The following DYNC1I1 variants were observed in gnomAD, a reference collection of about 807,000 sequenced individuals.
The protein encoded by DYNC1I1 is cytoplasmic dynein 1 intermediate chain 1.
In DYNC1I1, 43 loss-of-function variants were observed where a neutral mutation model predicts 86.6. That is an observed-to-expected ratio of 0.50 (90% CI 0.39 to 0.64). DYNC1I1 has a LOEUF of 0.64. Among genes scored for constraint, DYNC1I1 ranks in the 30% least tolerant of loss-of-function variants. DYNC1I1 has a pLI of 0.00. For missense variants in DYNC1I1, 604 were observed against 788.8 expected (o/e 0.77, Z 2.81); for synonymous variants, 262 against 283.7 (o/e 0.92, Z 0.77).
intron 7 of DYNC1I1, among the ~76,000 whole-genome samples, chr7:95,978,564 A>G (rs1164272785): frequency 6.6e-6 from 1 of 152,214 alleles, no homozygotes; most frequent in Non-Finnish European, 1.5e-5. Flanking sequence ...TTTCCTAATG[A>G]GTGTCCCAAG....
intron 6 of DYNC1I1, among the ~76,000 whole-genome samples, chr7:95,936,468 T>A (rs1430353461): frequency 6.6e-6 from 1 of 151,928 alleles, no homozygotes; most frequent in Non-Finnish European, 1.5e-5. Context: ...CACCACAGAA[T>A]GGCTTTTCAT....
chr7:96,044,990 G>C (rs532888910), intron 14 of DYNC1I1, among the ~76,000 whole-genome samples: 4 of 152,272 alleles, frequency 2.6e-5, no homozygotes, highest in African/African-American at 9.6e-5. Flanking sequence ...AAGTTAGATG[G>C]ATGTGGGCAG....
chr7:96,011,064 TTTTTTGCC>T (rs907419061), intron 10 of DYNC1I1, among the ~76,000 whole-genome samples: 3 of 152,194 alleles, frequency 2.0e-5, no homozygotes, highest in Non-Finnish European at 4.4e-5. Context: ...TTTTATTTTA[TTTTTTGCC>T]TTTCTACCAA....
chr7:95,882,005 A>G (rs1025846680), intron 6 of DYNC1I1, among the ~76,000 whole-genome samples: 1 of 152,208 alleles, frequency 6.6e-6, no homozygotes, highest in Non-Finnish European at 1.5e-5. Flanking sequence ...GGCTGAGGAC[A>G]CCATATTCAT....
intron 1 of DYNC1I1, among the ~76,000 whole-genome samples, chr7:95,780,147 C>T (rs2115642514): frequency 6.6e-6 from 1 of 152,078 alleles, no homozygotes. Flanking sequence ...ATTCTAATGT[C>T]CAAAGTGAAG....
intron 10 of DYNC1I1, among the ~76,000 whole-genome samples, chr7:96,000,697 C>A (rs1793988539): frequency 6.6e-6 from 1 of 152,170 alleles, no homozygotes. Context: ...AGCAGAAAAC[C>A]TGCCCCTCCA....
At chr7:95,917,382 T>A (rs2116364444) in intron 6 of DYNC1I1, among the ~76,000 whole-genome samples, 1 of 152,304 alleles carries the variant, frequency 6.6e-6, no homozygotes, top group African/African-American at 2.4e-5. Flanking sequence ...TGAGATGAAC[T>A]ATTGACAGTC....
intron 5 of DYNC1I1, among the ~76,000 whole-genome samples, chr7:95,851,758 G>A (rs1346974839): frequency 1.3e-5 from 2 of 152,214 alleles, no homozygotes; most frequent in South Asian, 4.1e-4. Context: ...TCTGCCTCCT[G>A]GGTTCAAGTG....
intron 6 of DYNC1I1, among the ~76,000 whole-genome samples, chr7:95,908,310 T>A (rs1791229944): frequency 1.3e-5 from 2 of 152,164 alleles, no homozygotes; most frequent in Non-Finnish European, 2.9e-5. Flanking sequence ...CACATTTCAT[T>A]CTATAAGCAA....
intron 6 of DYNC1I1, among the ~76,000 whole-genome samples, chr7:95,921,433 A>G (rs1791607386): frequency 6.6e-6 from 1 of 152,194 alleles, no homozygotes; most frequent in South Asian, 2.1e-4. Flanking sequence ...TCAATCCATT[A>G]TTACCTTTGT....
chr7:95,813,373 T>A lies in DYNC1I1; in HGVS notation c.314+36T>A, dbSNP rs56395936. On this transcript the variant is annotated intron_variant, in intron 4 of 16. Coordinates refer to ENST00000447467, the MANE Select transcript of DYNC1I1 (RefSeq NM_001135556.2). Reference sequence around the variant, plus strand: ...TCCCTTTAAAAGGCCATGATGGGTGTCAATTAAAAAAAAAAAAAAACAGCA... The same window carrying A: ...TCCCTTTAAAAGGCCATGATGGGTGACAATTAAAAAAAAAAAAAAACAGCA... The A allele has an allele frequency of 2.0e-3, 3,029 of 1,513,822 alleles. 48 individuals are homozygous for A. In the African/African-American group the frequency reaches 0.046, roughly 23 times the overall value. The allele number at this position is 1,513,822 out of a possible 1,614,324, so 93.8% of individuals were successfully genotyped here.
chr7:95,818,552 G>A, intron 4 of DYNC1I1: 1 of 642,326 alleles, frequency 1.6e-6, no homozygotes, highest in Non-Finnish European at 2.8e-6. Context: ...GGCCTCAAAT[G>A]ATTCTCCTCC....
At chr7:96,087,230 C>T (rs1037834158) in intron 16 of DYNC1I1, among the ~76,000 whole-genome samples, 27 of 152,116 alleles carry the variant, frequency 1.8e-4, no homozygotes, top group African/African-American at 5.6e-4. Context: ...AGTGGGCATA[C>T]GAAACACAAA....
chr7:95,810,086 T>C (rs1225574265), intron 2 of DYNC1I1, among the ~76,000 whole-genome samples: 1 of 152,172 alleles, frequency 6.6e-6, no homozygotes, highest in Non-Finnish European at 1.5e-5. Context: ...ACAGAATTTT[T>C]TTTTATATTA....
chr7:96,075,547 G>GA lies in DYNC1I1; in HGVS notation c.1510-508dup, dbSNP rs1310118620. On this transcript the variant is annotated intron_variant, in intron 14 of 16. Coordinates refer to ENST00000447467, the MANE Select transcript of DYNC1I1 (RefSeq NM_001135556.2). ...CTCTGCAAAAGAACCCTTAAAATGT[G>GA]AATTTGGCCTAGAGTTGGACTGGAG... 2.6e-5 allele frequency among the ~76,000 whole-genome samples: 4 copies of GA among 152,288 alleles called. No homozygotes were observed. In the East Asian group the frequency reaches 7.7e-4, roughly 29 times the overall value.
At chr7:95,838,228 T>C (rs1789172578) in intron 5 of DYNC1I1, among the ~76,000 whole-genome samples, 1 of 152,222 alleles carries the variant, frequency 6.6e-6, no homozygotes, top group Non-Finnish European at 1.5e-5. Context: ...ATGTGTGTGA[T>C]ATAAAGATCC....
intron 3 of DYNC1I1, among the ~76,000 whole-genome samples, chr7:95,812,744 A>G (rs1794857322): frequency 2.0e-5 from 3 of 152,308 alleles, no homozygotes; most frequent in Non-Finnish European, 2.9e-5. Context: ...CACAGAGTAC[A>G]TTTCTCTCTC....
chr7:96,018,152 A>C (rs1794446706), intron 10 of DYNC1I1, among the ~76,000 whole-genome samples: 1 of 152,190 alleles, frequency 6.6e-6, no homozygotes, highest in Non-Finnish European at 1.5e-5. Context: ...GGGAGCCCAC[A>C]AGCCCTCTCT....
chr7:96,097,824 A>G lies in DYNC1I1; in HGVS notation c.*231A>G. 8.0e-7 allele frequency: 1 copy of G among 1,257,610 alleles called. No individual in the cohort carries two copies. Among genetic ancestry groups the G allele is most frequent in the Non-Finnish European group, 1.0e-6 (1 of 995,900 alleles). 77.9% of individuals were successfully genotyped at this position (1,257,610 alleles called of 1,614,324 possible). On this transcript the variant is annotated 3_prime_UTR_variant, in exon 17 of 17. Transcript: ENST00000447467. Reference sequence around the variant, plus strand: ...CTTTATATTTCTGTCTCAAAAATGAAGAGAAGGGGGTTATGGGTTAAGTTG... The same window carrying G: ...CTTTATATTTCTGTCTCAAAAATGAGGAGAAGGGGGTTATGGGTTAAGTTG...
Sources: gnomAD v4.1 joint callset for allele counts (sites outside exome capture counted in the v4.1 genomes callset) on GRCh38, gnomAD v4.1.1 for gene constraint, MANE v1.5 for transcripts, NCBI Gene and HGNC (gene_info 2026-07-23, HGNC 2026-07-21) for gene names.